The following ERG variants were observed in gnomAD, a reference collection of about 807,000 sequenced individuals.
ERG encodes transcriptional regulator ERG.
A neutral mutation model predicts 55.3 loss-of-function variants in ERG; 9 were observed. The ratio of observed to expected loss-of-function variants is 0.16; its 90% CI spans 0.10 to 0.28. The LOEUF (loss-of-function observed/expected upper bound fraction) is 0.28. Ranked by LOEUF, ERG falls within the 10% of genes least tolerant of loss-of-function variation. ERG has a pLI of 1.00. For synonymous variants in ERG, 223 were observed against 237.3 expected (o/e 0.94, Z 0.55); for missense variants, 434 against 631.6 (o/e 0.69, Z 3.35).
intron 6 of ERG, chr21:38,400,264 G>A: frequency 2.1e-6 from 1 of 486,734 alleles, no homozygotes; most frequent in Admixed American, 2.7e-5. Flanking sequence ...AGGAGGGACA[G>A]ATCCTTCTGT....
intron 2 of ERG, among the ~76,000 whole-genome samples, chr21:38,505,686 T>C (rs1374554501): frequency 6.6e-6 from 1 of 152,188 alleles, no homozygotes; most frequent in Non-Finnish European, 1.5e-5. Context: ...CACTGCGCGG[T>C]TGCCTGGTGG....
intron 1 of ERG, among the ~76,000 whole-genome samples, chr21:38,480,180 C>A (rs1437279266): frequency 1.3e-5 from 2 of 152,148 alleles, no homozygotes; most frequent in African/African-American, 4.8e-5. Context: ...TGGTACAAGA[C>A]TTCATCATGC....
At chr21:38,520,430 C>T (rs941135392) in intron 2 of ERG, among the ~76,000 whole-genome samples, 3 of 152,168 alleles carry the variant, frequency 2.0e-5, no homozygotes. Flanking sequence ...GAGGAACAGA[C>T]ACAAGCCAGG....
chr21:38,640,128 T>C (rs1257949089), intron 1 of ERG, among the ~76,000 whole-genome samples: 2 of 152,070 alleles, frequency 1.3e-5, no homozygotes, highest in Admixed American at 6.5e-5. Context: ...AAAAAAATCA[T>C]TGAAAATCAA....
intron 2 of ERG, among the ~76,000 whole-genome samples, chr21:38,569,191 T>C (rs1601253058): frequency 1.3e-5 from 2 of 151,986 alleles, no homozygotes; most frequent in South Asian, 4.2e-4. Context: ...CCCAGTGGGG[T>C]ACATGGAAGG....
At chr21:38,559,139 G>T (rs1408802755) in intron 2 of ERG, among the ~76,000 whole-genome samples, 1 of 152,134 alleles carries the variant, frequency 6.6e-6, no homozygotes, top group Admixed American at 6.5e-5. Flanking sequence ...AATCCTAGCT[G>T]ATGGGCTGGC....
intron 3 of ERG, among the ~76,000 whole-genome samples, chr21:38,410,715 C>T (rs1989008504): frequency 6.6e-6 from 1 of 152,170 alleles, no homozygotes; most frequent in Non-Finnish European, 1.5e-5. Context: ...CACTGCATCG[C>T]CAAAGACAAA....
At chr21:38,562,382 G>A (rs2059898090) in intron 2 of ERG, among the ~76,000 whole-genome samples, 1 of 152,136 alleles carries the variant, frequency 6.6e-6, no homozygotes, top group Non-Finnish European at 1.5e-5. Context: ...GTCATGACCT[G>A]TAGTTTGGAA....
chr21:38,455,868 T>TGC (rs2058983617), intron 1 of ERG, among the ~76,000 whole-genome samples: 4 of 130,640 alleles, frequency 3.1e-5, no homozygotes, highest in Admixed American at 1.5e-4. Flanking sequence ...ATTGGTACGG[T>TGC]CCCCCCCCTC....
Position 38,535,051 on chromosome 21 carries a change from C to A in ERG, c.-41+40611G>T, listed in dbSNP as rs192789050. Among the ~76,000 whole-genome samples the A allele has an allele frequency of 2.5e-3, 381 of 152,104 alleles. 5 individuals are homozygous for A. Among genetic ancestry groups the A allele is most frequent in the African/African-American group, 8.6e-3 (356 of 41,492 alleles). On this transcript the variant is annotated intron_variant, in intron 2 of 8. Coordinates refer to the ERG transcript ENST00000398897. Reference sequence around the variant, plus strand: ...CATGGTGGTTTGCTGCACCTATCAACCCATCACCTAGGTATTAAGCCCAGT... The same window carrying A: ...CATGGTGGTTTGCTGCACCTATCAAACCATCACCTAGGTATTAAGCCCAGT...
intron 1 of ERG, among the ~76,000 whole-genome samples, chr21:38,661,488 G>A (rs1044075703): frequency 6.6e-5 from 10 of 152,190 alleles, no homozygotes; most frequent in African/African-American, 2.2e-4. Flanking sequence ...GGCCTGGTCT[G>A]ACCGACGCAC....
In ERG at chr21:38,391,007, G is replaced by A. The variant is rs770554300; in HGVS notation, c.907C>T (p.Leu303Phe). ...AGCAGTTTCTCACCTGGATTTGCAA[G>A]GCGGCTACTTGTTGGTCCAAGAATC... ...YQILGPTSSR[L>F]ANPGSGQIQL... The change falls in exon 9 of 10, where the codon CTT becomes TTT. Residue 303 changes from leucine (L) to phenylalanine (F), a missense_variant. This residue lies in a region of ERG where 99 missense variants were observed against 145.6 expected (regional missense o/e 0.68). Coordinates refer to ENST00000288319, the MANE Select transcript of ERG (RefSeq NM_182918.4). 3 of 1,613,430 alleles carry A rather than the reference G, an allele frequency of 1.9e-6. No homozygotes were observed. The highest frequency in any genetic ancestry group is 1.3e-5 in the African/African-American group (1 of 74,918).
Position 38,390,119 on chromosome 21 carries a change from G to A in ERG, c.919+876C>T, listed in dbSNP as rs74633705. On this transcript the variant is annotated intron_variant, in intron 9 of 9. Coordinates refer to ENST00000288319, the MANE Select transcript of ERG (RefSeq NM_182918.4). Reference sequence around the variant, plus strand: ...GCAGCATAGGCTATGAATTTCTGAAGCTGGTGCCAGCACAGCTGGTTCTGA... The same window carrying A: ...GCAGCATAGGCTATGAATTTCTGAAACTGGTGCCAGCACAGCTGGTTCTGA... Among the ~76,000 whole-genome samples, 827 of 152,318 alleles carry A rather than the reference G, an allele frequency of 5.4e-3. 10 individuals are homozygous for A. Among genetic ancestry groups the A allele is most frequent in the African/African-American group, 0.018 (746 of 41,560 alleles).
intron 2 of ERG, among the ~76,000 whole-genome samples, chr21:38,554,687 C>T (rs1046555886): frequency 5.3e-5 from 8 of 151,942 alleles, no homozygotes; most frequent in African/African-American, 1.5e-4. Flanking sequence ...GGAGGGTAGA[C>T]GAAGGGTGAA....
At chr21:38,442,796 T>A (rs2058853645) in intron 2 of ERG, among the ~76,000 whole-genome samples, 1 of 152,186 alleles carries the variant, frequency 6.6e-6, no homozygotes, top group African/African-American at 2.4e-5. Flanking sequence ...ACAGAATGCT[T>A]ATTTTTTTAT....
At chr21:38,611,186 C>CGTCCCTG (rs144113925) in intron 1 of ERG, among the ~76,000 whole-genome samples, 2,152 of 152,306 alleles carry the variant, frequency 0.014, 56 homozygotes, top group African/African-American at 0.049. Context: ...TCCACTGCAA[C>CGTCCCTG]GTCCCTGGTC....
Position 38,575,670 on chromosome 21 carries a change from G to A in ERG, c.-49C>T, listed in dbSNP as rs781083375. 6 of 1,613,804 alleles carry A rather than the reference G, an allele frequency of 3.7e-6. No homozygotes were observed. In the South Asian group the frequency reaches 5.5e-5, roughly 15 times the overall value. On this transcript the variant is annotated 5_prime_UTR_variant, in exon 2 of 9. Transcript: ENST00000398897. The stretch of plus-strand genomic sequence containing the variant: ...GCCAAGACGGGACTTACCTTGATAT[G>A]AGCTGCTGGGTCCGGGACAGTCTGA...
chr21:38,622,420 A>T (rs973387725), intron 1 of ERG, among the ~76,000 whole-genome samples: 2 of 83,444 alleles, frequency 2.4e-5, no homozygotes, highest in African/African-American at 1.0e-4. Context: ...CATACATATC[A>T]CACACACACA....
intron 1 of ERG, among the ~76,000 whole-genome samples, chr21:38,583,741 G>A (rs1221451621): frequency 6.6e-6 from 1 of 152,124 alleles, no homozygotes; most frequent in African/African-American, 2.4e-5. Flanking sequence ...CAAAAAAAGG[G>A]ACAAGATTTA....
Sources: allele counts gnomAD v4.1 joint callset (sites outside exome capture counted in the v4.1 genomes callset), GRCh38; gene constraint gnomAD v4.1.1; regional missense constraint gnomAD v4.1.1; transcripts MANE v1.5; gene names NCBI Gene and HGNC (gene_info 2026-07-23, HGNC 2026-07-21).